STARD9: variants seen among roughly 807,000 people sequenced by gnomAD.
STARD9 encodes the protein stAR-related lipid transfer protein 9.
STARD9 carries 346 observed loss-of-function variants against 399.8 expected under a neutral mutation model. The ratio of observed to expected loss-of-function variants is 0.87; its 90% CI spans 0.79 to 0.95. The LOEUF (loss-of-function observed/expected upper bound fraction) is 0.95. Among genes scored for constraint, STARD9 ranks in the 40% least tolerant of loss-of-function variants. The pLI, the probability that STARD9 is intolerant of heterozygous loss-of-function variation, is 0.00. For missense variants in STARD9, 5,832 were observed against 5,667.5 expected (o/e 1.03, Z -0.93); for synonymous variants, 2,203 against 2,143.5 (o/e 1.03, Z -0.77).
At chr15:42,646,997 A>G (rs2059659763) in intron 7 of STARD9, among the ~76,000 whole-genome samples, 1 of 152,220 alleles carries the variant, frequency 6.6e-6, no homozygotes. Context: ...CAGTCAGAAC[A>G]TATACATTTA....
At chr15:42,653,045 C>T (rs560083035) in intron 9 of STARD9, among the ~76,000 whole-genome samples, 5 of 152,128 alleles carry the variant, frequency 3.3e-5, no homozygotes, top group African/African-American at 1.2e-4. Context: ...TATTGTAAAC[C>T]GGATTTACAC....
chr15:42,636,944 C>T (rs1173282865), intron 4 of STARD9, among the ~76,000 whole-genome samples: 1 of 151,420 alleles, frequency 6.6e-6, no homozygotes, highest in Non-Finnish European at 1.5e-5. Context: ...GGTGCCTGTA[C>T]TCCCATCTAC....
rs2060639709 is a variant in STARD9 at position 42,689,498 on chromosome 15, ATC to A, written c.7924_7925del (p.Leu2642ValfsTer6). 6.5e-7 allele frequency: 1 copy of A among 1,537,310 alleles called. No homozygotes were observed. Among genetic ancestry groups the A allele is most frequent in the Admixed American group, 2.0e-5 (1 of 51,000 alleles). On this transcript the variant is annotated frameshift_variant, in exon 23 of 33. Transcript: ENST00000290607. LOFTEE classifies it high-confidence loss of function. ...CTGATGAGAGGAAAGTCCAGGCCAC[ATC>A]TCTGTCTGCAGACAGCTTTGAATCT... ...LPDERKVQAT[S>X]LSADSFESLP...
In STARD9 at chr15:42,692,850, A is replaced by C. The variant is rs1401687180; in HGVS notation, c.11272A>C (p.Asn3758His). ...TTCAGAGGCTGAACCTCAGGGAGCC[A>C]ATGTGATCCTTGAAGGGCTAGGCTC... ...QTSEAEPQGA[N>H]VILEGLGSDT... Residue 3758 changes from asparagine (N) to histidine (H), a missense_variant, in exon 23 of 33, where the codon AAT (asparagine) becomes CAT (histidine). Physicochemically the swap from Asn to His is moderately conservative, Grantham distance 68 (BLOSUM62 1). This residue lies in a region of STARD9 where 5,828 missense variants were observed against 5,651.1 expected (regional missense o/e 1.03). Coordinates refer to ENST00000290607, the MANE Select transcript of STARD9 (RefSeq NM_020759.3). 7.8e-6 allele frequency: 12 copies of C among 1,537,214 alleles called. No individual in the cohort carries two copies. Among genetic ancestry groups the C allele is most frequent in the Non-Finnish European group, 1.0e-5 (12 of 1,146,906 alleles).
In STARD9 at chr15:42,577,303, G is replaced by A. The variant is rs930497553; in HGVS notation, c.47+1541G>A. ...CCAGCAGCTGGGACTACAGGCACCCGCCACCATGCCCGGCTAATTTTTTGT... is the reference window on the plus strand; with the variant it reads ...CCAGCAGCTGGGACTACAGGCACCCACCACCATGCCCGGCTAATTTTTTGT... On this transcript the variant is annotated intron_variant, in intron 1 of 32. Transcript: ENST00000290607. Among the ~76,000 whole-genome samples the A allele has an allele frequency of 1.2e-4, 19 of 152,098 alleles. No homozygotes were observed. In the East Asian group the frequency reaches 2.1e-3, roughly 17 times the overall value.
rs1199416249 is a variant in STARD9 at position 42,634,847 on chromosome 15, T to C, written c.235-9T>C. The C allele has an allele frequency of 6.9e-7, 1 of 1,450,024 alleles. No homozygotes were observed. The highest frequency in any genetic ancestry group is 9.3e-7 in the Non-Finnish European group (1 of 1,071,586). The allele number at this position is 1,450,024 out of a possible 1,614,324, so 89.8% of individuals were successfully genotyped here. A position where few individuals can be genotyped will look rare whatever the true frequency, so the allele number is the denominator to read the frequency against. On this transcript the variant is annotated splice_polypyrimidine_tract_variant and intron_variant, in intron 3 of 32. Coordinates refer to ENST00000290607, the MANE Select transcript of STARD9 (RefSeq NM_020759.3). Reference sequence around the variant, plus strand: ...CACAGTGATATTTCCTCTGCTTTTGTTGTTACAGGTTTTCCAGGATTTAGG... The same window carrying C: ...CACAGTGATATTTCCTCTGCTTTTGCTGTTACAGGTTTTCCAGGATTTAGG...
rs1312913737 is a variant in STARD9 at position 42,682,315 on chromosome 15, A to G, written c.2277A>G (p.Ala759=). The part of the protein sequence containing the change: ...QLLRRHTLRA[A]ERNVRRKKVS... ...TGCGGAGACACACTCTTCGGGCAGC[A>G]GAGCGGAATGTCCGGCGGAAAAAGG... is the stretch of plus-strand genomic sequence containing the variant. Residue 759 remains alanine (A), a synonymous_variant, in exon 22 of 33, where the codon GCA becomes GCG. Coordinates refer to ENST00000290607, the MANE Select transcript of STARD9 (RefSeq NM_020759.3). 1 of 1,537,192 alleles carries G rather than the reference A, an allele frequency of 6.5e-7. No individual in the cohort carries two copies. The highest frequency in any genetic ancestry group is 1.4e-5 in the African/African-American group (1 of 73,066).
chr15:42,614,831 G>C (rs1164877193), intron 3 of STARD9, among the ~76,000 whole-genome samples: 1 of 151,910 alleles, frequency 6.6e-6, no homozygotes, highest in Non-Finnish European at 1.5e-5. Context: ...CAGGCATGGT[G>C]GTGGGCACCT....
In STARD9 at chr15:42,691,316, T is replaced by C. The variant is rs2060692175; in HGVS notation, c.9738T>C (p.Asp3246=). Residue 3246 remains aspartate, a synonymous_variant, in exon 23 of 33, where the codon GAT becomes GAC. Transcript: ENST00000290607. Reference sequence around the variant, plus strand: ...GCTTAGATGGCTGTCAGATTTTAGATGCTGGGAGAGAGGAGGTGGCTGTGG... The same window carrying C: ...GCTTAGATGGCTGTCAGATTTTAGACGCTGGGAGAGAGGAGGTGGCTGTGG... The part of the protein sequence containing the change: ...EDGLDGCQIL[D]AGREEVAVAK... The C allele has an allele frequency of 3.9e-6, 6 of 1,537,232 alleles. No individual in the cohort carries two copies. The highest frequency in any genetic ancestry group is 5.2e-6 in the Non-Finnish European group (6 of 1,146,894).
Position 42,692,233 on chromosome 15 carries a change from A to G in STARD9, c.10655A>G (p.Asn3552Ser). Residue 3552 changes from asparagine (N) to serine (S), a missense_variant, in exon 23 of 33, where the codon AAT becomes AGT. Coordinates refer to ENST00000290607, the MANE Select transcript of STARD9 (RefSeq NM_020759.3). The part of the protein sequence containing the change: ...HSSTENAQGS[N>S]EAWEVFRGSS... ...AGCACTGAGAATGCCCAGGGTTCAA[A>G]TGAGGCCTGGGAAGTATTCCGAGGG... is the stretch of plus-strand genomic sequence containing the variant. 1 of 1,537,070 alleles carries G rather than the reference A, an allele frequency of 6.5e-7. No individual in the cohort carries two copies. The highest frequency in any genetic ancestry group is 8.7e-7 in the Non-Finnish European group (1 of 1,146,862).
rs1382419071 is a variant in STARD9, at chr15:42,720,948, CT to C, written c.*1375del. 1 of 152,060 alleles carries C rather than the reference CT, an allele frequency of 6.6e-6. No individual in the cohort carries two copies. The highest frequency in any genetic ancestry group is 1.5e-5 in the Non-Finnish European group (1 of 68,016). The allele number at this position is 152,060 out of a possible 1,614,324, so 9.4% of individuals were successfully genotyped here. A position where few individuals can be genotyped will look rare whatever the true frequency, so the allele number is the denominator to read the frequency against. On this transcript the variant is annotated 3_prime_UTR_variant, in exon 33 of 33. Coordinates refer to ENST00000290607, the MANE Select transcript of STARD9 (RefSeq NM_020759.3). The stretch of plus-strand genomic sequence containing the variant: ...TTTTCATATAAATCTCTTACTAAGA[CT>C]ACTGACCAAAAAAGAACATTTTAAA...
Position 42,651,382 on chromosome 15 carries a change from G to T in STARD9, c.629+297G>T, listed in dbSNP as rs193284586. Reference sequence around the variant, plus strand: ...TAGAGCTTCTAAATTTGGAAGAAAGGGTTCTTACCTGCATTGTCCTCTCCT... The same window carrying T: ...TAGAGCTTCTAAATTTGGAAGAAAGTGTTCTTACCTGCATTGTCCTCTCCT... On this transcript the variant is annotated intron_variant, in intron 8 of 32. Coordinates refer to ENST00000290607, the MANE Select transcript of STARD9 (RefSeq NM_020759.3). Among the ~76,000 whole-genome samples the T allele has an allele frequency of 1.9e-4, 29 of 152,180 alleles. No individual in the cohort carries two copies. The East Asian group carries it at 4.2e-3, about 22-fold the overall frequency.
At chr15:42,578,022 C>A (rs1332134480) in intron 1 of STARD9, among the ~76,000 whole-genome samples, 2 of 152,132 alleles carry the variant, frequency 1.3e-5, no homozygotes, top group Admixed American at 1.3e-4. Flanking sequence ...ATTCATTAGA[C>A]CTACTGCTCT....
At chr15:42,590,658 G>T (rs1313329058) in intron 3 of STARD9, among the ~76,000 whole-genome samples, 1 of 152,204 alleles carries the variant, frequency 6.6e-6, no homozygotes, top group East Asian at 1.9e-4. Flanking sequence ...TCACAATTCT[G>T]CAGGCTTTAT....
chr15:42,586,469 T>G (rs1341187485), intron 3 of STARD9, among the ~76,000 whole-genome samples: 1 of 152,174 alleles, frequency 6.6e-6, no homozygotes, highest in African/African-American at 2.4e-5. Flanking sequence ...CTTCTCTGTT[T>G]CTCTGAAGCA....
At chr15:42,713,416 A>G (rs957679306) in intron 26 of STARD9, among the ~76,000 whole-genome samples, 5 of 152,304 alleles carry the variant, frequency 3.3e-5, no homozygotes, top group Admixed American at 2.0e-4. Context: ...GCTGGCTAGA[A>G]TCTCCAGTAC....
intron 3 of STARD9, among the ~76,000 whole-genome samples, chr15:42,601,427 C>G (rs2058623479): frequency 6.6e-6 from 1 of 151,802 alleles, no homozygotes; most frequent in Non-Finnish European, 1.5e-5. Context: ...TCCTCACTTC[C>G]CAGACGGGGC....
At chr15:42,677,498 A>G (rs1346135470) in intron 20 of STARD9, among the ~76,000 whole-genome samples, 1 of 152,166 alleles carries the variant, frequency 6.6e-6, no homozygotes, top group Non-Finnish European at 1.5e-5. Flanking sequence ...CCTTTTTTGT[A>G]GTGAAGTCAT....
intron 26 of STARD9, among the ~76,000 whole-genome samples, chr15:42,710,282 T>C (rs1204625564): frequency 6.6e-6 from 1 of 150,832 alleles, no homozygotes; most frequent in African/African-American, 2.5e-5. Flanking sequence ...AGGCTGGTGT[T>C]GAACTCCTGG....
Sources: gnomAD v4.1 joint callset for allele counts (sites outside exome capture counted in the v4.1 genomes callset) on GRCh38, gnomAD v4.1.1 for gene constraint, gnomAD v4.1.1 regional missense constraint, MANE v1.5 for transcripts, NCBI Gene and HGNC (gene_info 2026-07-23, HGNC 2026-07-21) for gene names.